The following FMNL2 variants were observed in gnomAD, a reference collection of about 807,000 sequenced individuals.
FMNL2 encodes the protein formin-like protein 2.
FMNL2 carries 51 observed loss-of-function variants against 130.2 expected under a neutral mutation model. The ratio of observed to expected loss-of-function variants is 0.39; its 90% confidence interval spans 0.31 to 0.49. The LOEUF is 0.49. Among genes scored for constraint, FMNL2 ranks in the 20% least tolerant of loss-of-function variants. FMNL2 has a pLI of 0.85. For synonymous variants in FMNL2, 465 were observed against 467.1 expected, an observed-to-expected ratio of 1.00 and a Z score of 0.06; for missense variants, 977 against 1,316.2, an observed-to-expected ratio of 0.74 and a Z score of 3.99.
intron 1 of FMNL2, among the ~76,000 whole-genome samples, chr2:152,407,344 A>C (rs945785055): frequency 6.6e-6 from 1 of 151,786 alleles, no homozygotes; most frequent in African/African-American, 2.4e-5. Context: ...TTCCCTTTTC[A>C]TTTCTTTTTT....
chr2:152,451,210 A>G (rs1285557130), intron 1 of FMNL2, among the ~76,000 whole-genome samples: 1 of 151,958 alleles, frequency 6.6e-6, no homozygotes, highest in Non-Finnish European at 1.5e-5. Context: ...GTGTGGTGGC[A>G]CCATCTTGGT....
intron 2 of FMNL2, among the ~76,000 whole-genome samples, chr2:152,529,456 C>G (rs1693574980): frequency 6.6e-6 from 1 of 152,144 alleles, no homozygotes; most frequent in African/African-American, 2.4e-5. Flanking sequence ...CTCTCCAAAC[C>G]TGAGAAAAGG....
intron 1 of FMNL2, among the ~76,000 whole-genome samples, chr2:152,456,936 C>A (rs1036199632): frequency 0.017 from 1,633 of 95,546 alleles, 12 homozygotes; most frequent in African/African-American, 0.034. Flanking sequence ...GACTCCCTTT[C>A]AAAAAAAAAA....
At chr2:152,498,808 A>T (rs1457782114) in intron 1 of FMNL2, among the ~76,000 whole-genome samples, 1 of 152,240 alleles carries the variant, frequency 6.6e-6, no homozygotes, top group Admixed American at 6.5e-5. Context: ...ACTGAAGACA[A>T]ACAAATGTAC....
chr2:152,375,871 C>CTATATATATATA (rs1296121653), intron 1 of FMNL2, among the ~76,000 whole-genome samples: 9 of 114,576 alleles, frequency 7.9e-5, no homozygotes, highest in African/African-American at 9.8e-5. Context: ...CTCTCTCTCT[C>CTATATATATATA]TCTCTCTATA....
At chr2:152,510,935 C>G (rs1692467279) in intron 1 of FMNL2, among the ~76,000 whole-genome samples, 1 of 152,138 alleles carries the variant, frequency 6.6e-6, no homozygotes, top group Non-Finnish European at 1.5e-5. Flanking sequence ...TTGGATAGGG[C>G]AGAACTTTAC....
intron 10 of FMNL2, among the ~76,000 whole-genome samples, chr2:152,609,512 G>T (rs942677780): frequency 2.0e-5 from 3 of 151,950 alleles, no homozygotes; most frequent in South Asian, 2.1e-4. Context: ...GTATTTTTTT[G>T]TGGACAAAAG....
At chr2:152,354,750 G>A (rs1185712009) in intron 1 of FMNL2, among the ~76,000 whole-genome samples, 1 of 152,080 alleles carries the variant, frequency 6.6e-6, no homozygotes, top group Admixed American at 6.6e-5. Flanking sequence ...TTTTGTAGTG[G>A]CAATCTACTT....
chr2:152,411,661 A>C (rs1289241433), intron 1 of FMNL2, among the ~76,000 whole-genome samples: 3 of 152,218 alleles, frequency 2.0e-5, no homozygotes, highest in Non-Finnish European at 4.4e-5. Context: ...TGTTCATTCT[A>C]TTAGCTAGGG....
At chr2:152,454,478 G>A (rs1282850875) in intron 1 of FMNL2, among the ~76,000 whole-genome samples, 1 of 152,126 alleles carries the variant, frequency 6.6e-6, no homozygotes, top group Non-Finnish European at 1.5e-5. Flanking sequence ...TCTTTTGGGT[G>A]GGTGTAATGT....
At chr2:152,553,321 C>A (rs1173157958) in intron 4 of FMNL2, among the ~76,000 whole-genome samples, 1 of 152,102 alleles carries the variant, frequency 6.6e-6, no homozygotes, top group African/African-American at 2.4e-5. Flanking sequence ...ATCATTTTGT[C>A]ATTTATTAAG....
Position 152,636,733 on chromosome 2 carries a change from C to T in FMNL2, c.2844+143C>T, listed in dbSNP as rs1315387038. The T allele has an allele frequency of 5.5e-5, 56 of 1,019,494 alleles. No homozygotes were observed. In the East Asian group the frequency reaches 6.6e-4, roughly 12 times the overall value. The allele number at this position is 1,019,494 out of a possible 1,614,324, so 63.2% of individuals were successfully genotyped here. Reference sequence around the variant, plus strand: ...TTCTTGTTGTAACTATTATTTATTACGGGGGGACCATTCCCAGGGTTATTC... The same window carrying T: ...TTCTTGTTGTAACTATTATTTATTATGGGGGGACCATTCCCAGGGTTATTC... On this transcript the variant is annotated intron_variant, in intron 22 of 25. Coordinates refer to ENST00000288670, the MANE Select transcript of FMNL2 (RefSeq NM_052905.4).
At chr2:152,582,305 C>T (rs1696835514) in intron 9 of FMNL2, among the ~76,000 whole-genome samples, 1 of 152,168 alleles carries the variant, frequency 6.6e-6, no homozygotes, top group African/African-American at 2.4e-5. Context: ...GATTTACTGC[C>T]CAGCTGCCAA....
Position 152,381,261 on chromosome 2 carries a change from T to C in FMNL2, c.117+45541T>C, listed in dbSNP as rs556946084. ...AGATGGATAGCCTGAGAGGTCGAAA[T>C]TATGAGAGCAAAAGACTTTTGAAAA... is the stretch of plus-strand genomic sequence containing the variant. On this transcript the variant is annotated intron_variant, in intron 1 of 25. Transcript: ENST00000288670. Among the ~76,000 whole-genome samples, 84 of 152,282 alleles carry C rather than the reference T, an allele frequency of 5.5e-4. 1 individual carries two copies. The South Asian group carries it at 0.017, about 32-fold the overall frequency.
At chr2:152,540,295 G>A (rs1694238063) in intron 2 of FMNL2, among the ~76,000 whole-genome samples, 1 of 151,976 alleles carries the variant, frequency 6.6e-6, no homozygotes, top group Admixed American at 6.6e-5. Context: ...CATGGCAATA[G>A]GATCCCCTCT....
intron 9 of FMNL2, among the ~76,000 whole-genome samples, chr2:152,583,343 T>A (rs533140956): frequency 6.6e-6 from 1 of 152,322 alleles, no homozygotes; most frequent in South Asian, 2.1e-4. Flanking sequence ...CAAACCCTGC[T>A]GGTGTCTAGG....
chr2:152,500,613 C>T (rs911093396), intron 1 of FMNL2, among the ~76,000 whole-genome samples: 2 of 152,170 alleles, frequency 1.3e-5, no homozygotes, highest in Admixed American at 6.5e-5. Context: ...ACTTGGAGGT[C>T]GAGGTCGGTG....
intron 9 of FMNL2, among the ~76,000 whole-genome samples, chr2:152,600,052 C>T (rs1697969748): frequency 6.6e-6 from 1 of 152,206 alleles, no homozygotes; most frequent in Non-Finnish European, 1.5e-5. Flanking sequence ...ATATAGCCCT[C>T]AGACTGCTGG....
intron 1 of FMNL2, among the ~76,000 whole-genome samples, chr2:152,434,159 A>G (rs1218211252): frequency 1.3e-5 from 2 of 152,230 alleles, no homozygotes; most frequent in Non-Finnish European, 2.9e-5. Flanking sequence ...AGTAATTAGC[A>G]TAGTAACCAT....
Sources: gnomAD v4.1 joint callset for allele counts (sites outside exome capture counted in the v4.1 genomes callset) on GRCh38, gnomAD v4.1.1 for gene constraint, MANE v1.5 for transcripts, NCBI Gene and HGNC (gene_info 2026-07-23, HGNC 2026-07-21) for gene names.